Variants in CIMIP2A observed in about 807,000 individuals in gnomAD.
The protein encoded by CIMIP2A is family with sequence similarity 166 member A.
At chr9:137,244,586 CAGG>C in the CIMIP2A span, 1 of 1,597,760 alleles carries the variant, frequency 6.3e-7, no homozygotes, top group East Asian at 2.3e-5. Context: ...AGCTGCCAGG[CAGG>C]AGAGGAAGTG....
chr9:137,252,258 C>T, the CIMIP2A span: 24 of 1,414,718 alleles, frequency 1.7e-5, no homozygotes, highest in African/African-American at 4.3e-5. Flanking sequence ...CTGCGTTCAC[C>T]TCTAGGCTCA....
the CIMIP2A span, chr9:137,251,606 G>C: frequency 8.4e-7 from 1 of 1,195,884 alleles, no homozygotes; most frequent in Non-Finnish European, 1.2e-6. Flanking sequence ...CTGAGGGACA[G>C]TGTGGGGACA....
chr9:137,244,206 T>C, the CIMIP2A span: 5 of 1,613,932 alleles, frequency 3.1e-6, no homozygotes, highest in Non-Finnish European at 3.4e-6. Flanking sequence ...GATCAGGCCT[T>C]GGCTGCTGTA....
the CIMIP2A span, chr9:137,251,030 A>C: frequency 2.0e-6 from 1 of 491,086 alleles, no homozygotes; most frequent in Non-Finnish European, 3.7e-6. Context: ...GGTGCAGGAG[A>C]GGGGAGAAGG....
chr9:137,253,697 G>A, the CIMIP2A span, among the ~76,000 whole-genome samples: 3 of 152,204 alleles, frequency 2.0e-5, no homozygotes, highest in Non-Finnish European at 4.4e-5. Context: ...CCACCCAGCC[G>A]TGTCACTCAG....
the CIMIP2A span, chr9:137,252,323 A>T: frequency 1.2e-5 from 16 of 1,332,092 alleles, no homozygotes; most frequent in East Asian, 4.0e-4. Context: ...ATGGGTGGAC[A>T]TTGTGAAGAC....
At chr9:137,248,524 C>A in the CIMIP2A span, among the ~76,000 whole-genome samples, 8 of 130,060 alleles carry the variant, frequency 6.2e-5, no homozygotes, top group Non-Finnish European at 9.4e-5. Flanking sequence ...GCCTGGGCCA[C>A]AGAGTGAGAC....
the CIMIP2A span, chr9:137,244,859 C>T: frequency 5.2e-5 from 81 of 1,564,126 alleles, no homozygotes; most frequent in Admixed American, 1.1e-4. Context: ...TGAACGTTGG[C>T]GACTGTCTGA....
At chr9:137,247,644 A>T in the CIMIP2A span, 1 of 1,611,700 alleles carries the variant, frequency 6.2e-7, no homozygotes, top group Non-Finnish European at 8.5e-7. Flanking sequence ...CCACCTCCAG[A>T]GCTCCCGGCT....
At chr9:137,252,819 T>C in the CIMIP2A span, 2 of 1,568,518 alleles carry the variant, frequency 1.3e-6, no homozygotes, top group Non-Finnish European at 1.7e-6. Context: ...CCCCAGTCCC[T>C]GCTTCAGGCC....
At chr9:137,245,034 A>G in the CIMIP2A span, 5 of 1,610,122 alleles carry the variant, frequency 3.1e-6, no homozygotes, top group Non-Finnish European at 4.2e-6. Context: ...CTCACACTGC[A>G]AGAACCTTGT....
the CIMIP2A span, among the ~76,000 whole-genome samples, chr9:137,246,052 G>A: frequency 6.6e-6 from 1 of 152,220 alleles, no homozygotes; most frequent in African/African-American, 2.4e-5. Flanking sequence ...AGCCTGAACA[G>A]GCGGCACACA....
the CIMIP2A span, chr9:137,252,505 G>C: frequency 1.6e-5 from 25 of 1,585,102 alleles, no homozygotes; most frequent in Non-Finnish European, 2.1e-5. Flanking sequence ...GCAGAAAGCT[G>C]ACTTCGACCA....
At chr9:137,254,386 C>G in the CIMIP2A span, among the ~76,000 whole-genome samples, 1 of 90,540 alleles carries the variant, frequency 1.1e-5, no homozygotes, top group Admixed American at 1.4e-4. Flanking sequence ...GGAGCTCGGC[C>G]CGGCTTGTGG....
chr9:137,252,166 C>A, the CIMIP2A span: 2 of 1,586,770 alleles, frequency 1.3e-6, no homozygotes, highest in Non-Finnish European at 1.7e-6. Context: ...GCCCAACCAC[C>A]GGGCCTGTCC....
the CIMIP2A span, among the ~76,000 whole-genome samples, chr9:137,250,060 G>A: frequency 1.3e-5 from 2 of 152,178 alleles, no homozygotes; most frequent in Non-Finnish European, 2.9e-5. Flanking sequence ...AAATGGTGAA[G>A]GAAATGAATT....
the CIMIP2A span, chr9:137,247,835 G>T: frequency 1.0e-6 from 1 of 979,418 alleles, no homozygotes; most frequent in Non-Finnish European, 1.6e-6. Flanking sequence ...CACCTCCTGG[G>T]CCAGGCCACC....
At chr9:137,245,321 G>A in the CIMIP2A span, 3 of 1,590,484 alleles carry the variant, frequency 1.9e-6, no homozygotes, top group South Asian at 1.1e-5. Flanking sequence ...TGCTGCCTGG[G>A]GGCCTCGCAA....
chr9:137,252,471 G>GT, the CIMIP2A span: 1 of 1,609,368 alleles, frequency 6.2e-7, no homozygotes, highest in Non-Finnish European at 8.5e-7. Context: ...AGACTTTGTG[G>GT]TTCCAGAGCG....
Sources: gnomAD v4.1 joint callset for allele counts (sites outside exome capture counted in the v4.1 genomes callset) on GRCh38, gnomAD v4.1.1 for gene constraint, MANE v1.5 for transcripts, NCBI Gene and HGNC (gene_info 2026-07-23, HGNC 2026-07-21) for gene names.